The following NSD2 variants were observed in gnomAD, a reference collection of about 807,000 sequenced individuals.
NSD2 encodes the protein nuclear receptor binding SET domain protein 2.
NSD2 carries 12 observed loss-of-function variants against 139.0 expected under a neutral mutation model. The observed-to-expected ratio is 0.09, with a 90% CI of 0.06 to 0.14. The LOEUF (loss-of-function observed/expected upper bound fraction) is 0.14. Among genes scored for constraint, NSD2 ranks in the 10% least tolerant of loss-of-function variants. NSD2 has a pLI of 1.00. For synonymous variants in NSD2, 669 were observed against 648.7 expected, an observed-to-expected ratio of 1.03 and a Z score of -0.48; for missense variants, 1,155 against 1,745.0, an observed-to-expected ratio of 0.66 and a Z score of 6.02.
intron 5 of NSD2, among the ~76,000 whole-genome samples, chr4:1,921,781 CAAAAAAAAAAAA>C (rs748895885): frequency 1.5e-5 from 1 of 64,984 alleles, no homozygotes; most frequent in Non-Finnish European, 3.2e-5. Context: ...GACTCTGTCT[CAAAAAAAAAAAA>C]AAAAAAAGAA....
intron 1 of NSD2, among the ~76,000 whole-genome samples, chr4:1,879,885 G>T (rs960656525): frequency 6.6e-6 from 1 of 151,654 alleles, no homozygotes; most frequent in Admixed American, 6.6e-5. Flanking sequence ...TCATGCCTTT[G>T]TGAGTACTGG....
intron 4 of NSD2, 43 bp downstream of exon 4, chr4:1,917,080 A>G: frequency 1.3e-6 from 2 of 1,507,130 alleles, no homozygotes; most frequent in South Asian, 2.6e-5. Flanking sequence ...CAGAAATTTA[A>G]TTTTTATTCT....
At position 1,981,906 on chromosome 4, in the gene NSD2, C is replaced by T. The variant is rs1385381954; in HGVS notation, c.*2997C>T. 3 of 398,426 alleles carry T rather than the reference C, an allele frequency of 7.5e-6. No individual in the cohort carries two copies. Among genetic ancestry groups the T allele is most frequent in the East Asian group, 7.1e-5 (2 of 28,090 alleles). 24.7% of individuals were successfully genotyped at this position (398,426 alleles called of 1,614,324 possible). ...ACGGGGTGTCACAGCCTCACCATAC[C>T]CTGTTGAGGTGTGAAATGCCCCGTC... On this transcript the variant is annotated 3_prime_UTR_variant, in exon 22 of 22. Coordinates refer to ENST00000508803, the MANE Select transcript of NSD2 (RefSeq NM_001042424.3).
chr4:1,884,440 C>T (rs1385398078), intron 1 of NSD2, among the ~76,000 whole-genome samples: 4 of 152,028 alleles, frequency 2.6e-5, no homozygotes, highest in Non-Finnish European at 5.9e-5. Flanking sequence ...GTCACCCAGG[C>T]TGGAGTGCAG....
At position 1,955,438 on chromosome 4, in the gene NSD2, TG is replaced by T; in HGVS notation, c.2518+99del. 1 of 1,426,880 alleles carries T rather than the reference TG, an allele frequency of 7.0e-7. No individual in the cohort carries two copies. Among genetic ancestry groups the T allele is most frequent in the South Asian group, 1.4e-5 (1 of 72,454 alleles). The allele number at this position is 1,426,880 out of a possible 1,614,324, so 88.4% of individuals were successfully genotyped here. A position where few individuals can be genotyped will look rare whatever the true frequency, so the allele number is the denominator to read the frequency against. On this transcript the variant is annotated intron_variant, in intron 13 of 21. Coordinates refer to ENST00000508803, the MANE Select transcript of NSD2 (RefSeq NM_001042424.3). This position sits in a 1 kb window ranked among gnomAD's most constrained non-coding sequence, Gnocchi z 4.7. ...TCCTTGTCTGCGCTGTGTTCATTGA[TG>T]TTGACAGTGTTCTGTGCGTCTTCAC...
intron 1 of NSD2, among the ~76,000 whole-genome samples, chr4:1,872,418 A>G (rs1422368184): frequency 6.6e-6 from 1 of 152,230 alleles, no homozygotes; most frequent in Non-Finnish European, 1.5e-5. Flanking sequence ...AAGTTTCGGT[A>G]GAAATAAAAT....
chr4:1,951,630 G>C (rs1724282115), intron 10 of NSD2, among the ~76,000 whole-genome samples: 1 of 152,136 alleles, frequency 6.6e-6, no homozygotes, highest in Non-Finnish European at 1.5e-5. Flanking sequence ...CACTAGACCT[G>C]TGTGTGCCCA....
intron 6 of NSD2, 127 bp downstream of exon 6, chr4:1,930,897 G>A: frequency 8.1e-7 from 1 of 1,240,606 alleles, no homozygotes. Flanking sequence ...TGGGGTTTGG[G>A]CCAGCGGTCC....
chr4:1,945,772 G>A, intron 9 of NSD2: 1 of 1,064,262 alleles, frequency 9.4e-7, no homozygotes, highest in Non-Finnish European at 1.1e-6. Context: ...CTGCGTCTGG[G>A]CCTGAGACGT....
At position 1,925,778 on chromosome 4, in the gene NSD2, T is replaced by TTTGTTTG. The variant is rs1553869469; in HGVS notation, c.1411-4846_1411-4845insGTTTGTT. 1.1e-4 allele frequency among the ~76,000 whole-genome samples: 17 copies of TTTGTTTG among 151,164 alleles called. No individual in the cohort carries two copies. In the South Asian group the frequency reaches 2.5e-3, roughly 22 times the overall value. ...TTTATATATCTATATATATATTTTT[T>TTTGTTTG]TTTGTTTGTTTGTTTGTTTGTTTGT... On this transcript the variant is annotated intron_variant, in intron 5 of 21. Coordinates refer to ENST00000508803, the MANE Select transcript of NSD2 (RefSeq NM_001042424.3).
Position 1,951,059 on chromosome 4 carries a change from CCTT to C in NSD2, c.1882-11_1882-9del, listed in dbSNP as rs1223903537. 6.2e-7 allele frequency: 1 copy of C among 1,613,866 alleles called. No homozygotes were observed. Among genetic ancestry groups the C allele is most frequent in the African/African-American group, 1.3e-5 (1 of 75,056 alleles). On this transcript the variant is annotated splice_polypyrimidine_tract_variant and intron_variant, in intron 9 of 21. Coordinates refer to ENST00000508803, the MANE Select transcript of NSD2 (RefSeq NM_001042424.3). ...GCGACTAGTGAACTGTCATCCGCCT[CCTT>C]CATCTCTAGGTCTCGGACAGCCCGG...
intron 16 of NSD2, 58 bp from the exon 17 acceptor site, chr4:1,959,413 C>T (rs1407483094): frequency 6.3e-7 from 1 of 1,579,088 alleles, no homozygotes; most frequent in East Asian, 2.2e-5. Context: ...GGTGGGTGTG[C>T]AAGGGTATTC....
intron 1 of NSD2, among the ~76,000 whole-genome samples, chr4:1,891,787 G>A (rs973952228): frequency 1.3e-5 from 2 of 151,142 alleles, no homozygotes; most frequent in Non-Finnish European, 3.0e-5. Flanking sequence ...AACACGGGAG[G>A]CGGAGCTTGC....
At chr4:1,939,933 A>C in intron 9 of NSD2, 155 bp downstream of exon 9, 1 of 1,495,706 alleles carries the variant, frequency 6.7e-7, no homozygotes. Flanking sequence ...ACTCAGATTC[A>C]TGAAATGGAC....
intron 1 of NSD2, among the ~76,000 whole-genome samples, chr4:1,872,591 T>TGAGGAGAGAGAGAGA (rs1553856419): frequency 2.2e-5 from 1 of 44,838 alleles, no homozygotes; most frequent in African/African-American, 7.0e-5. Flanking sequence ...TGTGTGTGTG[T>TGAGGAGAGAGAGAGA]GAGAGAGAGA....
rs1724739874 is a variant in NSD2 at position 1,955,652 on chromosome 4, G to A, written c.2519-41G>A. ...AGCACTGAATCTGGGCTGAGCCATA[G>A]CAGACAGGCTAAGCCTGGCCGCCTC... On this transcript the variant is annotated intron_variant, in intron 13 of 21. Transcript: ENST00000508803. The surrounding 1 kb of genome is among the most constrained non-coding windows in gnomAD (Gnocchi z 4.7). 5.7e-6 allele frequency: 9 copies of A among 1,579,026 alleles called. No individual in the cohort carries two copies. In the South Asian group the frequency reaches 1.0e-4, roughly 18 times the overall value.
At chr4:1,941,729 A>C (rs951014447) in intron 9 of NSD2, 1 of 1,047,044 alleles carries the variant, frequency 9.6e-7, no homozygotes, top group African/African-American at 1.7e-5. Flanking sequence ...CCATTAAACT[A>C]CTTTTGTATG....
chr4:1,943,216 CAGA>C (rs1367187211), intron 9 of NSD2: 19 of 1,041,598 alleles, frequency 1.8e-5, no homozygotes, highest in South Asian at 4.6e-5. Context: ...CTCATAAAAG[CAGA>C]AGGTGTGCTA....
chr4:1,873,978 C>G (rs1005459168), intron 1 of NSD2, among the ~76,000 whole-genome samples: 1 of 152,198 alleles, frequency 6.6e-6, no homozygotes, highest in Admixed American at 6.5e-5. Flanking sequence ...ATTCTCCCGC[C>G]TCAGCCTCCT....
Sources: gnomAD v4.1 joint callset for allele counts (sites outside exome capture counted in the v4.1 genomes callset) on GRCh38, gnomAD v4.1.1 for gene constraint, Gnocchi (gnomAD v3.1) non-coding constraint, MANE v1.5 for transcripts, NCBI Gene and HGNC (gene_info 2026-07-23, HGNC 2026-07-21) for gene names.